The following STK24 variants were observed in gnomAD, a reference collection of about 807,000 sequenced individuals.
STK24 encodes the protein serine/threonine kinase 24.
STK24 carries 21 observed loss-of-function variants against 55.6 expected under a neutral mutation model. The observed-to-expected ratio is 0.38, with a 90% confidence interval of 0.27 to 0.54. The LOEUF (loss-of-function observed/expected upper bound fraction) is 0.54, where lower values mean the gene tolerates loss of function less well. STK24 is among the 20% of genes least tolerant of loss of function. The pLI, the probability that STK24 is intolerant of heterozygous loss-of-function variation, is 0.79. For synonymous variants in STK24, 200 were observed against 215.2 expected, an observed-to-expected ratio of 0.93 and a Z score of 0.62; for missense variants, 383 against 538.4, an observed-to-expected ratio of 0.71 and a Z score of 2.86.
In STK24 at chr13:98,521,762, C is replaced by A. The variant is rs542274350; in HGVS notation, c.43-2289G>T. The A allele has an allele frequency of 3.6e-5, 28 of 780,700 alleles. 1 individual carries two copies. In the South Asian group the frequency reaches 3.6e-4, roughly 10 times the overall value. 48.4% of individuals were successfully genotyped at this position (780,700 alleles called of 1,614,324 possible). A position where few individuals can be genotyped will look rare whatever the true frequency, so the allele number is the denominator to read the frequency against. The stretch of plus-strand genomic sequence containing the variant: ...AGCTACTATCCTCGCTGCTTTCATG[C>A]CCTCTCCCTTACCGTGCTCCCTCCA... On this transcript the variant is annotated intron_variant, in intron 1 of 10. Transcript: ENST00000539966.
At position 98,449,024 on chromosome 13, in the gene STK24, C is replaced by T. The variant is rs1893049797; in HGVS notation, c.*4149G>A. The stretch of plus-strand genomic sequence containing the variant: ...AGGGTTGTTTTCTGTTAAGCAAAGC[C>T]GAGATCCAGTGCAATACCTGGACTG... On this transcript the variant is annotated 3_prime_UTR_variant, in exon 11 of 11. Transcript: ENST00000539966. 6.6e-6 allele frequency: 1 copy of T among 152,174 alleles called. No homozygotes were observed. The highest frequency in any genetic ancestry group is 2.1e-4 in the South Asian group (1 of 4,832). The allele number at this position is 152,174 out of a possible 1,614,324, so 9.4% of individuals were successfully genotyped here. A position where few individuals can be genotyped will look rare whatever the true frequency, so the allele number is the denominator to read the frequency against.
chr13:98,526,603 A>G (rs1896436864), intron 1 of STK24, among the ~76,000 whole-genome samples: 1 of 152,186 alleles, frequency 6.6e-6, no homozygotes, highest in South Asian at 2.1e-4. Flanking sequence ...ACAAAAAAGC[A>G]AATATTCCAT....
In STK24 at chr13:98,466,409, A is replaced by G. The variant is rs777978360; in HGVS notation, c.750T>C (p.Phe250=). 1.9e-6 allele frequency: 3 copies of G among 1,612,896 alleles called. No homozygotes were observed. Among genetic ancestry groups the G allele is most frequent in the South Asian group, 2.2e-5 (2 of 91,028 alleles). Residue 250 remains phenylalanine, a synonymous_variant, in exon 6 of 11, where the codon TTT becomes TTC. Coordinates refer to ENST00000539966, the MANE Select transcript of STK24 (RefSeq NM_001032296.4). ...EGNYSKPLKE[F]VEACLNKEPS... The stretch of plus-strand genomic sequence containing the variant: ...GCTCCTTATTCAAACAGGCCTCCAC[A>G]AACTCCTTGAGGGGTTTACTGTAGT...
chr13:98,569,174 G>A (rs2139464068), intron 1 of STK24, among the ~76,000 whole-genome samples: 1 of 152,254 alleles, frequency 6.6e-6, no homozygotes, highest in South Asian at 2.1e-4. Flanking sequence ...GGTGCTGGCA[G>A]GGCCTCCATC....
chr13:98,487,322 T>C (rs1020542452), intron 2 of STK24, among the ~76,000 whole-genome samples: 1 of 152,184 alleles, frequency 6.6e-6, no homozygotes, highest in Non-Finnish European at 1.5e-5. Context: ...TCGAAATAAT[T>C]TCATGTTTTT....
chr13:98,565,200 G>A (rs142749443), intron 1 of STK24, among the ~76,000 whole-genome samples: 60 of 152,038 alleles, frequency 3.9e-4, no homozygotes, highest in African/African-American at 1.3e-3. Context: ...TCCTCGAGGC[G>A]GCAATACACC....
intron 1 of STK24, among the ~76,000 whole-genome samples, chr13:98,520,396 C>T (rs1896217590): frequency 6.6e-6 from 1 of 152,196 alleles, no homozygotes; most frequent in South Asian, 2.1e-4. Flanking sequence ...TAAGAGACAC[C>T]ACTGCTGCAG....
At chr13:98,492,918 G>GA (rs1361413378) in intron 2 of STK24, among the ~76,000 whole-genome samples, 6 of 150,978 alleles carry the variant, frequency 4.0e-5, no homozygotes, top group Admixed American at 6.6e-5. Context: ...AGAACCACAA[G>GA]AAAAAAAAAT....
intron 4 of STK24, 43 bp from the exon 5 acceptor site, chr13:98,475,021 C>A (rs373578971): frequency 7.0e-6 from 11 of 1,563,878 alleles, no homozygotes; most frequent in Middle Eastern, 1.7e-4. Context: ...TGCGGACTTA[C>A]AACTCCGTGC....
chr13:98,518,464 G>GT (rs963487804), intron 2 of STK24, among the ~76,000 whole-genome samples: 3 of 151,994 alleles, frequency 2.0e-5, no homozygotes, highest in African/African-American at 7.2e-5. Flanking sequence ...ATTTCAGAGC[G>GT]TTTTTTTCCC....
In STK24 at chr13:98,446,667, A is replaced by ACAAT; in HGVS notation, c.*6502_*6505dup. Reference sequence around the variant, plus strand: ...CTTTGCTTTGTTTCCCCTTTCCAGGACAATCATCCCCTTGCCAGCCTGCCT... The same window carrying ACAAT: ...CTTTGCTTTGTTTCCCCTTTCCAGGACAATCAATCATCCCCTTGCCAGCCTGCCT... On this transcript the variant is annotated 3_prime_UTR_variant, in exon 11 of 11. Transcript: ENST00000539966. The ACAAT allele has an allele frequency of 1.9e-6, 3 of 1,614,066 alleles. No individual in the cohort carries two copies. The highest frequency in any genetic ancestry group is 2.5e-6 in the Non-Finnish European group (3 of 1,179,996).
intron 1 of STK24, among the ~76,000 whole-genome samples, chr13:98,539,747 G>A (rs979153802): frequency 3.3e-5 from 5 of 152,134 alleles, no homozygotes; most frequent in African/African-American, 4.8e-5. Context: ...GCAAAATGAC[G>A]TGGCCACTTC....
intron 4 of STK24, 103 bp downstream of exon 4, chr13:98,475,147 G>T: frequency 1.4e-6 from 2 of 1,394,002 alleles, no homozygotes; most frequent in South Asian, 1.4e-5. Flanking sequence ...CAAGGCAAAC[G>T]TGCAGGACAA....
rs1896633502 is a variant in STK24, at chr13:98,533,482, C to G, written c.43-14009G>C. Among the ~76,000 whole-genome samples the G allele has an allele frequency of 2.0e-5, 3 of 151,882 alleles. No homozygotes were observed. In the South Asian group the frequency reaches 6.2e-4, roughly 32 times the overall value. ...TAAAAAAATACTTAAGATAGAAATGCTCTAGCTAAGTTAAAAATATAGCAG... is the reference window on the plus strand; with the variant it reads ...TAAAAAAATACTTAAGATAGAAATGGTCTAGCTAAGTTAAAAATATAGCAG... On this transcript the variant is annotated intron_variant, in intron 1 of 10. Transcript: ENST00000539966.
At chr13:98,510,001 A>G (rs1472024673) in intron 2 of STK24, among the ~76,000 whole-genome samples, 1 of 152,212 alleles carries the variant, frequency 6.6e-6, no homozygotes, top group Non-Finnish European at 1.5e-5. Context: ...TGTACCTCAG[A>G]TATCTGTACA....
chr13:98,564,280 G>A (rs544319868), intron 1 of STK24, among the ~76,000 whole-genome samples: 27 of 152,258 alleles, frequency 1.8e-4, no homozygotes, highest in East Asian at 5.8e-4. Flanking sequence ...GAAAAACACC[G>A]GCGGGTATGC....
chr13:98,482,228 G>C (rs1317507278), intron 3 of STK24, 37 bp downstream of exon 3: 5 of 1,249,160 alleles, frequency 4.0e-6, no homozygotes, highest in Non-Finnish European at 5.5e-6. Context: ...CTGAGAAAAA[G>C]CTTTGATACG....
chr13:98,528,573 T>A (rs117543780), intron 1 of STK24, among the ~76,000 whole-genome samples: 2 of 152,322 alleles, frequency 1.3e-5, no homozygotes, highest in East Asian at 3.9e-4. Context: ...AACACTTTAT[T>A]ATATTCCATA....
rs1892803325 is a variant in STK24 at position 98,445,888 on chromosome 13, A to G, written c.*7285T>C. ...TTTGGGGGGACACAGGGACCCCAAG[A>G]TGCCCCACAGCAAGTGACAAGGGGA... On this transcript the variant is annotated 3_prime_UTR_variant, in exon 11 of 11. Coordinates refer to ENST00000539966, the MANE Select transcript of STK24 (RefSeq NM_001032296.4). 1.9e-6 allele frequency: 1 copy of G among 524,084 alleles called. No homozygotes were observed. The highest frequency in any genetic ancestry group is 3.4e-6 in the Non-Finnish European group (1 of 292,810). 32.5% of individuals were successfully genotyped at this position (524,084 alleles called of 1,614,324 possible).
Sources: gnomAD v4.1 joint callset for allele counts (sites outside exome capture counted in the v4.1 genomes callset) on GRCh38, gnomAD v4.1.1 for gene constraint, MANE v1.5 for transcripts, NCBI Gene and HGNC (gene_info 2026-07-23, HGNC 2026-07-21) for gene names.